Variants in TLE4 observed in about 807,000 individuals in gnomAD.
The protein encoded by TLE4 is TLE family member 4, transcriptional corepressor.
Under a neutral mutation model 92.8 loss-of-function variants are expected in TLE4, and 8 were observed. That is an observed-to-expected ratio of 0.09 (90% CI 0.05 to 0.16). The LOEUF is 0.16. Ranked by LOEUF, TLE4 falls within the 10% of genes least tolerant of loss-of-function variation. The pLI is 1.00. For synonymous variants in TLE4, 371 were observed against 374.1 expected, an observed-to-expected ratio of 0.99 and a Z score of 0.10; for missense variants, 675 against 997.6, an observed-to-expected ratio of 0.68 and a Z score of 4.36.
chr9:79,723,609 ATG>A (rs1307830205), intron 19 of TLE4, among the ~76,000 whole-genome samples: 2 of 152,216 alleles, frequency 1.3e-5, no homozygotes, highest in African/African-American at 4.8e-5. Context: ...TCCTACTGGT[ATG>A]TGAGAATTTC....
At chr9:79,676,154 T>C (rs557330271) in intron 8 of TLE4, among the ~76,000 whole-genome samples, 49 of 152,164 alleles carry the variant, frequency 3.2e-4, no homozygotes, top group Non-Finnish European at 6.3e-4. Context: ...TGATGATCTG[T>C]TAATTGCCAG....
At chr9:79,669,928 A>G (rs562481342) in intron 8 of TLE4, among the ~76,000 whole-genome samples, 28 of 152,280 alleles carry the variant, frequency 1.8e-4, no homozygotes, top group African/African-American at 6.7e-4. Flanking sequence ...AATGCTCCCC[A>G]CGTTTCAGCT....
intron 2 of TLE4, 47 bp from the exon 3 acceptor site, chr9:79,574,826 A>C: frequency 6.7e-7 from 1 of 1,501,976 alleles, no homozygotes; most frequent in Non-Finnish European, 9.3e-7. Context: ...GAGTTGAAGG[A>C]TGTAAGTTAA....
intron 4 of TLE4, among the ~76,000 whole-genome samples, chr9:79,581,427 A>G (rs1044583808): frequency 1.3e-5 from 2 of 152,160 alleles, no homozygotes; most frequent in Non-Finnish European, 2.9e-5. Context: ...TCCTTCTCCC[A>G]TGATGGATTC....
chr9:79,631,615 A>AGTGTGTGTGT (rs2054218595), intron 6 of TLE4, among the ~76,000 whole-genome samples: 2 of 29,604 alleles, frequency 6.8e-5, no homozygotes, highest in Non-Finnish European at 9.3e-5. Context: ...TTGAACCTTA[A>AGTGTGTGTGT]ATGTGTGTGT....
At chr9:79,659,798 TTTTTAAAATCATA>T (rs1341313093) in intron 8 of TLE4, among the ~76,000 whole-genome samples, 2 of 152,180 alleles carry the variant, frequency 1.3e-5, no homozygotes, top group African/African-American at 4.8e-5. Context: ...ACTTAATATA[TTTTTAAAATCATA>T]TTTTAAAATA....
chr9:79,581,539 T>A (rs1380280715), intron 4 of TLE4, among the ~76,000 whole-genome samples: 17 of 152,196 alleles, frequency 1.1e-4, no homozygotes. Context: ...AAGTAAACAT[T>A]TATTATATAT....
intron 5 of TLE4, among the ~76,000 whole-genome samples, chr9:79,613,503 A>T (rs758577190): frequency 7.2e-5 from 11 of 152,050 alleles, no homozygotes; most frequent in Non-Finnish European, 1.3e-4. Flanking sequence ...GGAAAAAGAT[A>T]ATTTTTTGCT....
intron 8 of TLE4, among the ~76,000 whole-genome samples, chr9:79,674,711 A>G (rs999573422): frequency 2.6e-5 from 4 of 152,112 alleles, no homozygotes; most frequent in Admixed American, 6.6e-5. Context: ...ATGTTTTAAT[A>G]CTTCACAATT....
At chr9:79,609,593 A>G (rs183992116) in intron 4 of TLE4, among the ~76,000 whole-genome samples, 2 of 152,216 alleles carry the variant, frequency 1.3e-5, no homozygotes, top group Admixed American at 1.3e-4. Flanking sequence ...TGTGTTTGAC[A>G]AAGTGTGGCT....
intron 4 of TLE4, among the ~76,000 whole-genome samples, chr9:79,585,151 C>T (rs763961262): frequency 6.6e-6 from 1 of 152,008 alleles, no homozygotes; most frequent in Non-Finnish European, 1.5e-5. Flanking sequence ...GATAGTATAA[C>T]GTTGTTGAAA....
In TLE4 at chr9:79,725,777, C is replaced by T. The variant is rs1383463380; in HGVS notation, c.*633C>T. Reference sequence around the variant, plus strand: ...TACTCATTTGGATCTATTTAGACAACGTTAACCAATATATCTATAGCTTTA... The same window carrying T: ...TACTCATTTGGATCTATTTAGACAATGTTAACCAATATATCTATAGCTTTA... On this transcript the variant is annotated 3_prime_UTR_variant, in exon 20 of 20. Transcript: ENST00000376552. 1.3e-5 allele frequency: 2 copies of T among 152,558 alleles called. No individual in the cohort carries two copies. The highest frequency in any genetic ancestry group is 2.9e-5 in the Non-Finnish European group (2 of 68,028). The allele number at this position is 152,558 out of a possible 1,614,324, so 9.5% of individuals were successfully genotyped here.
In TLE4 at chr9:79,721,763, G is replaced by A; in HGVS notation, c.1861G>A (p.Gly621Arg). 6.2e-7 allele frequency: 1 copy of A among 1,614,142 alleles called. No individual in the cohort carries two copies. The highest frequency in any genetic ancestry group is 8.5e-7 in the Non-Finnish European group (1 of 1,180,024). Reference protein sequence around the residue: ...LVRQFQGHTDGASCIDISNDG... With the variant: ...LVRQFQGHTDRASCIDISNDG... ...CAGGCAATTCCAGGGCCACACAGAT[G>A]GAGCCAGCTGTATTGACATTTCTAA... is the stretch of plus-strand genomic sequence containing the variant. Residue 621 changes from glycine (G) to arginine (R), a missense_variant, in exon 17 of 20, where the codon GGA becomes AGA. Transcript: ENST00000376552.
chr9:79,577,404 T>A (rs1303053717), intron 4 of TLE4, among the ~76,000 whole-genome samples: 1 of 152,204 alleles, frequency 6.6e-6, no homozygotes, highest in Non-Finnish European at 1.5e-5. Flanking sequence ...TTTCAGATAC[T>A]GTTTTACTTT....
intron 6 of TLE4, among the ~76,000 whole-genome samples, chr9:79,630,092 A>C (rs920886989): frequency 6.6e-6 from 1 of 152,180 alleles, no homozygotes; most frequent in African/African-American, 2.4e-5. Flanking sequence ...GCAGACCCTC[A>C]TTTATTTATC....
chr9:79,616,569 A>T (rs1200305884), intron 5 of TLE4, among the ~76,000 whole-genome samples: 1 of 152,216 alleles, frequency 6.6e-6, no homozygotes. Context: ...CTTATAGAAG[A>T]AAAAATGAAA....
Position 79,572,739 on chromosome 9 carries a change from A to G in TLE4, c.-52A>G. On this transcript the variant is annotated 5_prime_UTR_variant, in exon 1 of 20. Transcript: ENST00000376552. ...GGCCGCCTCCTCTTCGGGGTCATTAAAGCCAATGAGCCGCGCGCCTCTGCC... is the reference window on the plus strand; with the variant it reads ...GGCCGCCTCCTCTTCGGGGTCATTAGAGCCAATGAGCCGCGCGCCTCTGCC... 6.3e-7 allele frequency: 1 copy of G among 1,581,170 alleles called. No individual in the cohort carries two copies. The highest frequency in any genetic ancestry group is 1.8e-5 in the Admixed American group (1 of 56,950).
chr9:79,654,560 A>G (rs571344294), intron 8 of TLE4, among the ~76,000 whole-genome samples: 16 of 151,952 alleles, frequency 1.1e-4, no homozygotes, highest in African/African-American at 3.6e-4. Flanking sequence ...TTTTTTCACC[A>G]ACTTTTCTTT....
At position 79,625,955 on chromosome 9, in the gene TLE4, G is replaced by A. The variant is rs190372999; in HGVS notation, c.316-1419G>A. On this transcript the variant is annotated intron_variant, in intron 5 of 19. Coordinates refer to ENST00000376552, the MANE Select transcript of TLE4 (RefSeq NM_007005.6). Reference sequence around the variant, plus strand: ...TAAGCTCCTGCTTTGAAAATGGAATGCATACAATTTAAAAACATTAAAAAG... The same window carrying A: ...TAAGCTCCTGCTTTGAAAATGGAATACATACAATTTAAAAACATTAAAAAG... 9.9e-4 allele frequency among the ~76,000 whole-genome samples: 150 copies of A among 151,202 alleles called. 1 individual carries two copies. The highest frequency in any genetic ancestry group is 3.4e-3 in the African/African-American group (141 of 41,306).
Sources: gnomAD v4.1 joint callset for allele counts (sites outside exome capture counted in the v4.1 genomes callset) on GRCh38, gnomAD v4.1.1 for gene constraint, MANE v1.5 for transcripts, NCBI Gene and HGNC (gene_info 2026-07-23, HGNC 2026-07-21) for gene names.